The following ZNF521 variants were observed in gnomAD, a reference collection of about 807,000 sequenced individuals.
ZNF521 encodes LYST-interacting protein 3.
In ZNF521, 14 loss-of-function variants were observed where a neutral mutation model predicts 105.5. The ratio of observed to expected loss-of-function variants is 0.13; its 90% confidence interval spans 0.09 to 0.21. The LOEUF (loss-of-function observed/expected upper bound fraction) is 0.21, where lower values mean the gene tolerates loss of function less well. Ranked by LOEUF, ZNF521 falls within the 10% of genes least tolerant of loss-of-function variation. The pLI, the probability that ZNF521 is intolerant of heterozygous loss-of-function variation, is 1.00. For synonymous variants in ZNF521, 635 were observed against 606.0 expected (o/e 1.05, Z -0.70); for missense variants, 1,233 against 1,629.7 (o/e 0.76, Z 4.19).
At chr18:25,304,512 CTCT>C (rs1323421939) in intron 3 of ZNF521, among the ~76,000 whole-genome samples, 4 of 152,334 alleles carry the variant, frequency 2.6e-5, no homozygotes, top group Non-Finnish European at 5.9e-5. Context: ...CCCCAGAGAA[CTCT>C]TCAATATTCT....
intron 3 of ZNF521, among the ~76,000 whole-genome samples, chr18:25,303,999 A>C (rs1005753333): frequency 1.3e-5 from 2 of 152,210 alleles, no homozygotes; most frequent in African/African-American, 4.8e-5. Context: ...ACTAATTAAC[A>C]ATTGTCAATC....
At chr18:25,242,253 A>T (rs1907388853) in intron 3 of ZNF521, among the ~76,000 whole-genome samples, 1 of 152,102 alleles carries the variant, frequency 6.6e-6, no homozygotes, top group Non-Finnish European at 1.5e-5. Context: ...CCAAATCCAC[A>T]TCCCCGATCT....
intron 5 of ZNF521, among the ~76,000 whole-genome samples, chr18:25,101,877 C>G (rs908481843): frequency 5.9e-5 from 9 of 152,162 alleles, no homozygotes; most frequent in African/African-American, 2.2e-4. Flanking sequence ...AATTTCTTTA[C>G]AGCCAAGTGG....
intron 3 of ZNF521, among the ~76,000 whole-genome samples, chr18:25,315,272 A>G (rs1015174998): frequency 3.3e-5 from 5 of 152,166 alleles, no homozygotes; most frequent in African/African-American, 9.7e-5. Context: ...AAAATTGAAG[A>G]GAGGGACTTA....
chr18:25,345,546 G>A (rs1451768829), intron 2 of ZNF521, among the ~76,000 whole-genome samples: 7 of 152,158 alleles, frequency 4.6e-5, no homozygotes, highest in African/African-American at 1.7e-4. Context: ...TTAAGGCCAA[G>A]TGGAATCTTA....
intron 5 of ZNF521, among the ~76,000 whole-genome samples, chr18:25,125,596 T>C (rs2034523670): frequency 6.6e-6 from 1 of 151,934 alleles, no homozygotes; most frequent in South Asian, 2.1e-4. Flanking sequence ...AGCTATCTCT[T>C]TGACTATGTG....
chr18:25,177,983 T>C (rs1459059040), intron 5 of ZNF521, among the ~76,000 whole-genome samples: 3 of 152,220 alleles, frequency 2.0e-5, no homozygotes, highest in African/African-American at 7.2e-5. Context: ...TGTAAAAAAG[T>C]ATTAACATAA....
At chr18:25,124,860 T>C (rs1461422883) in intron 5 of ZNF521, among the ~76,000 whole-genome samples, 1 of 152,200 alleles carries the variant, frequency 6.6e-6, no homozygotes, top group East Asian at 1.9e-4. Context: ...GAAAGATATA[T>C]GTGCAAATGT....
intron 5 of ZNF521, among the ~76,000 whole-genome samples, chr18:25,098,465 G>A (rs1325864089): frequency 6.6e-6 from 1 of 151,516 alleles, no homozygotes; most frequent in East Asian, 1.9e-4. Context: ...AAAAAAAACT[G>A]CAAACACCAG....
intron 2 of ZNF521, among the ~76,000 whole-genome samples, chr18:25,349,700 G>C (rs1436356923): frequency 6.6e-6 from 1 of 151,598 alleles, no homozygotes. Flanking sequence ...GGGGCGCCGC[G>C]GCCCGGCAGC....
intron 7 of ZNF521, among the ~76,000 whole-genome samples, chr18:25,079,385 C>G (rs1413797678): frequency 1.3e-5 from 2 of 152,180 alleles, no homozygotes; most frequent in African/African-American, 4.8e-5. Flanking sequence ...CGATGATTAG[C>G]AGCACAGCCT....
At chr18:25,166,730 T>A (rs1210678524) in intron 5 of ZNF521, among the ~76,000 whole-genome samples, 1 of 152,204 alleles carries the variant, frequency 6.6e-6, no homozygotes. Context: ...TTAACATGAA[T>A]TATTATAGAA....
At chr18:25,098,621 A>G (rs1462097110) in intron 5 of ZNF521, among the ~76,000 whole-genome samples, 1 of 152,140 alleles carries the variant, frequency 6.6e-6, no homozygotes, top group East Asian at 1.9e-4. Flanking sequence ...GACGGGAGTG[A>G]GGACTGAGAC....
At chr18:25,202,713 C>G (rs997389492) in intron 4 of ZNF521, 3 of 152,138 alleles carry the variant, frequency 2.0e-5, no homozygotes, top group African/African-American at 4.8e-5. Flanking sequence ...CAAATGGATA[C>G]TACATGTGAG....
intron 5 of ZNF521, among the ~76,000 whole-genome samples, chr18:25,156,254 T>C (rs2035142106): frequency 6.6e-6 from 1 of 152,198 alleles, no homozygotes; most frequent in African/African-American, 2.4e-5. Context: ...TAAGGGGAAA[T>C]GGACTTGTTT....
intron 2 of ZNF521, among the ~76,000 whole-genome samples, chr18:25,350,251 G>A (rs994735502): frequency 6.6e-6 from 1 of 152,208 alleles, no homozygotes; most frequent in African/African-American, 2.4e-5. Context: ...GCGGGGAGAA[G>A]TAGGGGCGAG....
intron 7 of ZNF521, among the ~76,000 whole-genome samples, chr18:25,068,439 G>A (rs1172691719): frequency 6.6e-6 from 1 of 152,126 alleles, no homozygotes; most frequent in Non-Finnish European, 1.5e-5. Flanking sequence ...CAGTCGTGCA[G>A]TTACAGGCTG....
intron 5 of ZNF521, among the ~76,000 whole-genome samples, chr18:25,102,022 T>C (rs2033974544): frequency 6.6e-6 from 1 of 152,044 alleles, no homozygotes. Flanking sequence ...AAAAGAAAAA[T>C]AAATGTACAG....
At chr18:25,351,005 C>T in intron 1 of ZNF521, 58 bp from the exon 2 acceptor site, 1 of 1,390,192 alleles carries the variant, frequency 7.2e-7, no homozygotes, top group Non-Finnish European at 9.5e-7. Flanking sequence ...TATACTTCCT[C>T]GTGGCCGCGC....
Sources: allele counts gnomAD v4.1 joint callset (sites outside exome capture counted in the v4.1 genomes callset), GRCh38; gene constraint gnomAD v4.1.1; transcripts MANE v1.5; gene names NCBI Gene and HGNC (gene_info 2026-07-23, HGNC 2026-07-21).